AGBL4: variants seen among roughly 807,000 people sequenced by gnomAD.
The protein encoded by AGBL4 is AGBL carboxypeptidase 4, also known as cytosolic carboxypeptidase 6.
A neutral mutation model predicts 66.4 loss-of-function variants in AGBL4; 58 were observed. The ratio of observed to expected loss-of-function variants is 0.87; its 90% CI spans 0.71 to 1.09. The LOEUF is 1.09. Ranked by LOEUF, AGBL4 falls within the 50% of genes least tolerant of loss-of-function variation. AGBL4 has a pLI of 0.00. For synonymous variants in AGBL4, 234 were observed against 222.9 expected, an observed-to-expected ratio of 1.05 and a Z score of -0.44; for missense variants, 579 against 631.0, an observed-to-expected ratio of 0.92 and a Z score of 0.88.
At chr1:49,089,289 A>AG (rs1644961232) in intron 4 of AGBL4, among the ~76,000 whole-genome samples, 1 of 151,764 alleles carries the variant, frequency 6.6e-6, no homozygotes, top group African/African-American at 2.4e-5. Flanking sequence ...GGGAAAAAAA[A>AG]ACATTCAAAA....
At chr1:49,953,888 T>G (rs1656368571) in intron 1 of AGBL4, among the ~76,000 whole-genome samples, 1 of 151,810 alleles carries the variant, frequency 6.6e-6, no homozygotes, top group African/African-American at 2.4e-5. Flanking sequence ...AAATATGTAT[T>G]TATTTATTTA....
At chr1:48,549,734 CAG>C (rs1644221267) in intron 11 of AGBL4, among the ~76,000 whole-genome samples, 2 of 151,614 alleles carry the variant, frequency 1.3e-5, no homozygotes, top group African/African-American at 4.9e-5. Flanking sequence ...GAGAGAAAAA[CAG>C]GGAGCAAATG....
chr1:49,581,076 T>C (rs1051117582), intron 3 of AGBL4, among the ~76,000 whole-genome samples: 1 of 152,140 alleles, frequency 6.6e-6, no homozygotes, highest in Non-Finnish European at 1.5e-5. Context: ...GACGGAATTA[T>C]CTCAAAAGAC....
At chr1:49,511,386 A>G in intron 3 of AGBL4, among the ~76,000 whole-genome samples, 1 of 144,568 alleles carries the variant, frequency 6.9e-6, no homozygotes, top group African/African-American at 2.5e-5. Flanking sequence ...ATTCTCACTC[A>G]TAGGTGGGAA....
chr1:48,886,943 G>T (rs1301419151), intron 5 of AGBL4, among the ~76,000 whole-genome samples: 2 of 152,162 alleles, frequency 1.3e-5, no homozygotes, highest in Non-Finnish European at 2.9e-5. Context: ...TCAGGATGAT[G>T]AGGTCAACAG....
chr1:49,389,647 A>G (rs1278179642), intron 3 of AGBL4, among the ~76,000 whole-genome samples: 1 of 152,130 alleles, frequency 6.6e-6, no homozygotes, highest in African/African-American at 2.4e-5. Context: ...TTAAACATGG[A>G]TTCATTTATA....
chr1:49,207,542 T>TTTCTTTCTTTCTTTC (rs1217267952), intron 4 of AGBL4, among the ~76,000 whole-genome samples: 34 of 78,030 alleles, frequency 4.4e-4, no homozygotes, highest in East Asian at 2.3e-3. Flanking sequence ...TTTTTCTTTC[T>TTTCTTTCTTTCTTTC]TTTCTTTCTT....
At chr1:49,390,571 C>T (rs1181979554) in intron 3 of AGBL4, among the ~76,000 whole-genome samples, 1 of 152,184 alleles carries the variant, frequency 6.6e-6, no homozygotes, top group East Asian at 1.9e-4. Flanking sequence ...ATAGGTATAG[C>T]TTTCTCTTTC....
At chr1:49,788,295 C>A (rs995131701) in intron 2 of AGBL4, among the ~76,000 whole-genome samples, 2 of 151,838 alleles carry the variant, frequency 1.3e-5, no homozygotes, top group African/African-American at 4.8e-5. Context: ...TCAAGGTGAT[C>A]AGCCAAAAAC....
intron 1 of AGBL4, among the ~76,000 whole-genome samples, chr1:49,970,708 A>AACACACACAC (rs373722460): frequency 1.0e-3 from 118 of 114,002 alleles, no homozygotes; most frequent in East Asian, 6.4e-3. Flanking sequence ...AAAAAAACAA[A>AACACACACAC]ACACACACAC....
At chr1:49,064,968 A>G (rs1644466374) in intron 4 of AGBL4, among the ~76,000 whole-genome samples, 1 of 152,240 alleles carries the variant, frequency 6.6e-6, no homozygotes, top group South Asian at 2.1e-4. Flanking sequence ...TATTAGTTTT[A>G]TAAGTCATCT....
chr1:49,710,628 A>T (rs965980365), intron 2 of AGBL4, among the ~76,000 whole-genome samples: 23 of 151,768 alleles, frequency 1.5e-4, no homozygotes, highest in Middle Eastern at 6.8e-3. Context: ...ATTTTTAAAA[A>T]ATATATATAA....
intron 1 of AGBL4, among the ~76,000 whole-genome samples, chr1:49,869,743 G>A (rs1646793852): frequency 6.6e-6 from 1 of 151,970 alleles, no homozygotes; most frequent in Non-Finnish European, 1.5e-5. Flanking sequence ...CATGTATCTT[G>A]GAACTAAAAT....
intron 4 of AGBL4, among the ~76,000 whole-genome samples, chr1:49,082,284 T>C (rs775210364): frequency 1.2e-4 from 18 of 152,210 alleles, no homozygotes; most frequent in Non-Finnish European, 2.1e-4. Flanking sequence ...GCTTTCATTT[T>C]GCTGAGAGGA....
intron 2 of AGBL4, chr1:49,842,536 G>A (rs1646023713): frequency 6.1e-6 from 6 of 987,386 alleles, no homozygotes; most frequent in Non-Finnish European, 6.0e-6. Flanking sequence ...TCTTAGTGAA[G>A]ATTTACCAAG....
chr1:49,900,498 G>A (rs2148188386), intron 1 of AGBL4, among the ~76,000 whole-genome samples: 1 of 152,256 alleles, frequency 6.6e-6, no homozygotes, highest in East Asian at 1.9e-4. Flanking sequence ...GCTGGCCTTA[G>A]CCTCCCAAAG....
rs548504764 is a variant in AGBL4 at position 49,059,360 on chromosome 1, C to A, written c.378-13560G>T. On this transcript the variant is annotated intron_variant, in intron 4 of 13. Transcript: ENST00000371839. ...CCATGTGGTGTTGGGCCTATGGGTACACAGAAGTCAAGAATTGGGGTTTGG... is the reference window on the plus strand; with the variant it reads ...CCATGTGGTGTTGGGCCTATGGGTAAACAGAAGTCAAGAATTGGGGTTTGG... Among the ~76,000 whole-genome samples, 8 of 152,320 alleles carry A rather than the reference C, an allele frequency of 5.3e-5. No homozygotes were observed. In the East Asian group the frequency reaches 9.7e-4, roughly 18 times the overall value.
chr1:49,742,432 C>T (rs538647147), intron 2 of AGBL4, among the ~76,000 whole-genome samples: 130 of 152,176 alleles, frequency 8.5e-4, no homozygotes, highest in African/African-American at 2.9e-3. Context: ...ACATTCCATG[C>T]TCATGGGTAG....
intron 1 of AGBL4, among the ~76,000 whole-genome samples, chr1:49,902,825 G>A (rs1218928677): frequency 1.3e-5 from 2 of 152,198 alleles, no homozygotes; most frequent in Non-Finnish European, 2.9e-5. Flanking sequence ...CAGTCAGAAT[G>A]GCTATTATTT....
Sources: allele counts gnomAD v4.1 joint callset (sites outside exome capture counted in the v4.1 genomes callset), GRCh38; gene constraint gnomAD v4.1.1; transcripts MANE v1.5; gene names NCBI Gene and HGNC (gene_info 2026-07-23, HGNC 2026-07-21).